The following ROBO1 variants were observed in gnomAD, a reference collection of about 807,000 sequenced individuals.
ROBO1 encodes the protein roundabout homolog 1.
In ROBO1, 149 loss-of-function variants were observed where a neutral mutation model predicts 195.9. That is an observed-to-expected ratio of 0.76 (90% CI 0.67 to 0.87). ROBO1 has a LOEUF of 0.87. ROBO1 is among the 40% of genes least tolerant of loss of function. The probability of loss-of-function intolerance (pLI) is 0.00; values close to 1 mark genes in which losing one functional copy is unlikely to be tolerated. For synonymous variants in ROBO1, 816 were observed against 733.2 expected, an observed-to-expected ratio of 1.11 and a Z score of -1.82; for missense variants, 1,933 against 2,068.3, an observed-to-expected ratio of 0.93 and a Z score of 1.27.
At chr3:79,019,878 T>C (rs1245677813) in intron 3 of ROBO1, among the ~76,000 whole-genome samples, 1 of 152,130 alleles carries the variant, frequency 6.6e-6, no homozygotes, top group African/African-American at 2.4e-5. Context: ...AAAATCAATT[T>C]TGAGCAACAT....
chr3:78,601,763 A>T (rs1703184268), intron 29 of ROBO1, among the ~76,000 whole-genome samples: 1 of 152,140 alleles, frequency 6.6e-6, no homozygotes, highest in Non-Finnish European at 1.5e-5. Context: ...TTATGCCTAC[A>T]TCACTACTAT....
At chr3:78,949,014 T>C (rs950240623) in intron 3 of ROBO1, among the ~76,000 whole-genome samples, 3 of 147,646 alleles carry the variant, frequency 2.0e-5, no homozygotes, top group Non-Finnish European at 3.0e-5. Context: ...TAAAAGAGGA[T>C]ACAAACAAAT....
At chr3:78,826,497 G>A (rs1402576541) in intron 4 of ROBO1, among the ~76,000 whole-genome samples, 3 of 152,176 alleles carry the variant, frequency 2.0e-5, no homozygotes, top group East Asian at 1.9e-4. Context: ...ATCAGTCAGA[G>A]AGGCATAAGC....
chr3:78,858,564 C>CAAAAAAA (rs554355096), intron 4 of ROBO1, among the ~76,000 whole-genome samples: 15 of 96,498 alleles, frequency 1.6e-4, no homozygotes, highest in Non-Finnish European at 2.8e-4. Context: ...CCCTGTCTAC[C>CAAAAAAA]AAAAAAAAAA....
Position 79,000,487 on chromosome 3 carries a change from A to C in ROBO1, c.173-61560T>G, listed in dbSNP as rs565965155. Among the ~76,000 whole-genome samples, 3 of 152,340 alleles carry C rather than the reference A, an allele frequency of 2.0e-5. No homozygotes were observed. The South Asian group carries it at 6.2e-4, about 32-fold the overall frequency. On this transcript the variant is annotated intron_variant, in intron 3 of 30. Transcript: ENST00000464233. ...AGGATATGAACAGACACTTTTCAAA[A>C]GAAGATATTTATGTGGCCAATAAAC...
chr3:78,691,176 A>G (rs2081165491), intron 8 of ROBO1, among the ~76,000 whole-genome samples: 1 of 152,022 alleles, frequency 6.6e-6, no homozygotes, highest in Non-Finnish European at 1.5e-5. Flanking sequence ...ATATGCTTCT[A>G]TCTATCAATC....
intron 4 of ROBO1, among the ~76,000 whole-genome samples, chr3:78,817,979 T>C (rs1576226333): frequency 6.6e-6 from 1 of 152,316 alleles, no homozygotes; most frequent in East Asian, 1.9e-4. Context: ...TAGTCCCCAC[T>C]GGTTATATCA....
chr3:79,650,644 A>C (rs1945977391), intron 1 of ROBO1, among the ~76,000 whole-genome samples: 1 of 151,848 alleles, frequency 6.6e-6, no homozygotes, highest in South Asian at 2.1e-4. Flanking sequence ...AAAATGAGTA[A>C]ATTCTAATAC....
At chr3:79,043,509 C>T (rs926903493) in intron 3 of ROBO1, among the ~76,000 whole-genome samples, 1 of 151,634 alleles carries the variant, frequency 6.6e-6, no homozygotes, top group Non-Finnish European at 1.5e-5. Flanking sequence ...AATAGTGTGT[C>T]AAATTGGACT....
chr3:79,443,031 C>T (rs1421431153), intron 2 of ROBO1, among the ~76,000 whole-genome samples: 3 of 152,134 alleles, frequency 2.0e-5, no homozygotes, highest in African/African-American at 7.2e-5. Flanking sequence ...GAAAATCATG[C>T]TTTTACATTC....
At chr3:79,705,214 C>A (rs1296646821) in intron 1 of ROBO1, among the ~76,000 whole-genome samples, 1 of 151,814 alleles carries the variant, frequency 6.6e-6, no homozygotes, top group African/African-American at 2.4e-5. Context: ...CTTATCAATT[C>A]TTTCTTTCAT....
chr3:78,780,645 C>G (rs1348626128), intron 4 of ROBO1, among the ~76,000 whole-genome samples: 4 of 152,092 alleles, frequency 2.6e-5, no homozygotes, highest in Non-Finnish European at 5.9e-5. Context: ...TACAAATCTC[C>G]TAATTTGTCT....
At chr3:79,580,810 C>T (rs1180032231) in intron 2 of ROBO1, among the ~76,000 whole-genome samples, 1 of 152,086 alleles carries the variant, frequency 6.6e-6, no homozygotes, top group East Asian at 1.9e-4. Context: ...AGGCCAGTTA[C>T]AATACGTTTT....
chr3:79,739,983 CAT>C (rs1183241144), intron 1 of ROBO1, among the ~76,000 whole-genome samples: 1 of 152,016 alleles, frequency 6.6e-6, no homozygotes, highest in Non-Finnish European at 1.5e-5. Context: ...AACTCTAAGA[CAT>C]GTGTCATGTT....
At chr3:79,589,265 G>C (rs1576077719) in intron 2 of ROBO1, among the ~76,000 whole-genome samples, 1 of 151,606 alleles carries the variant, frequency 6.6e-6, no homozygotes, top group South Asian at 2.1e-4. Context: ...TTAAAGAAAT[G>C]CTATTCTATA....
chr3:79,082,810 T>C (rs1051959504), intron 3 of ROBO1, among the ~76,000 whole-genome samples: 2 of 152,040 alleles, frequency 1.3e-5, no homozygotes, highest in African/African-American at 2.4e-5. Context: ...GAACCTCACT[T>C]GTATGGTATG....
chr3:79,027,984 T>C (rs1464464349), intron 3 of ROBO1, among the ~76,000 whole-genome samples: 2 of 152,060 alleles, frequency 1.3e-5, no homozygotes, highest in Non-Finnish European at 1.5e-5. Flanking sequence ...TTCTAAATAT[T>C]ACTTTTTACC....
At chr3:79,278,764 A>T (rs1252681566) in intron 2 of ROBO1, among the ~76,000 whole-genome samples, 1 of 152,150 alleles carries the variant, frequency 6.6e-6, no homozygotes, top group African/African-American at 2.4e-5. Flanking sequence ...GAAATGCTTC[A>T]GAACATTGGC....
chr3:79,004,451 G>C (rs73122652), intron 3 of ROBO1, among the ~76,000 whole-genome samples: 26 of 152,234 alleles, frequency 1.7e-4, no homozygotes, highest in Non-Finnish European at 3.7e-4. Flanking sequence ...ACAGACTCTC[G>C]TAGTTTGAAA....
Sources: gnomAD v4.1 joint callset for allele counts (sites outside exome capture counted in the v4.1 genomes callset) on GRCh38, gnomAD v4.1.1 for gene constraint, MANE v1.5 for transcripts, NCBI Gene and HGNC (gene_info 2026-07-23, HGNC 2026-07-21) for gene names.